ARID1B: variants seen among roughly 807,000 people sequenced by gnomAD.
ARID1B encodes the protein AT-rich interaction domain 1B.
In ARID1B, 30 loss-of-function variants were observed where a neutral mutation model predicts 212.3. The observed-to-expected ratio is 0.14, with a 90% CI of 0.11 to 0.19. The LOEUF is 0.19. Among genes scored for constraint, ARID1B ranks in the 10% least tolerant of loss-of-function variants. The pLI is 1.00. For synonymous variants in ARID1B, 1,402 were observed against 1,301.7 expected, an observed-to-expected ratio of 1.08 and a Z score of -1.66; for missense variants, 2,891 against 3,204.0, an observed-to-expected ratio of 0.90 and a Z score of 2.36.
chr6:157,122,961 C>T (rs1187340340), intron 6 of ARID1B, among the ~76,000 whole-genome samples: 1 of 152,182 alleles, frequency 6.6e-6, no homozygotes, highest in African/African-American at 2.4e-5. Flanking sequence ...GGATTACAGG[C>T]ATGAGCCACC....
intron 4 of ARID1B, among the ~76,000 whole-genome samples, chr6:157,077,500 G>A (rs1191656852): frequency 6.6e-6 from 1 of 152,064 alleles, no homozygotes; most frequent in Non-Finnish European, 1.5e-5. Flanking sequence ...AAATGAGCAT[G>A]CCCTCCCCTC....
chr6:156,837,366 A>G (rs866705475), intron 2 of ARID1B, among the ~76,000 whole-genome samples: 6 of 152,240 alleles, frequency 3.9e-5, no homozygotes, highest in Non-Finnish European at 5.9e-5. Context: ...AAACAAGTAT[A>G]TATTGAACAA....
In ARID1B at chr6:157,047,362, C is replaced by T. The variant is rs114628656; in HGVS notation, c.2248-37300C>T. 8.4e-3 allele frequency among the ~76,000 whole-genome samples: 1,283 copies of T among 152,228 alleles called. 23 individuals are homozygous for T. Among genetic ancestry groups the T allele is most frequent in the African/African-American group, 0.03 (1,238 of 41,536 alleles). On this transcript the variant is annotated intron_variant, in intron 4 of 19. Coordinates refer to ENST00000636930, the MANE Select transcript of ARID1B (RefSeq NM_001374828.1). ...TATGTTTTGGCATTATATGCAAAAT[C>T]AGAAGTAGTATATTATAATCAGAGG...
chr6:156,852,048 C>G (rs1038746922), intron 2 of ARID1B, among the ~76,000 whole-genome samples: 1 of 151,994 alleles, frequency 6.6e-6, no homozygotes, highest in African/African-American at 2.4e-5. Flanking sequence ...TATTCTTTAC[C>G]TCTCGCAAGA....
chr6:156,935,702 T>G, intron 4 of ARID1B, 126 bp downstream of exon 4: 1 of 856,054 alleles, frequency 1.2e-6, no homozygotes, highest in Non-Finnish European at 1.8e-6. Context: ...CAGGTTTATT[T>G]TGTGGTCAAT....
At chr6:156,856,672 C>CCTCTCT (rs367924636) in intron 2 of ARID1B, among the ~76,000 whole-genome samples, 1,141 of 108,346 alleles carry the variant, frequency 0.011, 22 homozygotes, top group African/African-American at 0.027. Context: ...GCATGCATAT[C>CCTCTCT]CTCTCTCTCT....
At chr6:156,984,541 A>T (rs988081959) in intron 4 of ARID1B, among the ~76,000 whole-genome samples, 5 of 152,170 alleles carry the variant, frequency 3.3e-5, no homozygotes, top group Admixed American at 2.6e-4. Context: ...ACTAGAAAGC[A>T]AAAGTAAAGT....
At chr6:156,780,423 T>A (rs748400578) in intron 1 of ARID1B, 14 of 152,380 alleles carry the variant, frequency 9.2e-5, no homozygotes, top group Non-Finnish European at 1.9e-4. Context: ...TCTTGCTGTT[T>A]CTTGCTAGTA....
Position 157,039,322 on chromosome 6 carries a change from C to CTTT in ARID1B, c.2248-45323_2248-45321dup, listed in dbSNP as rs1003131791. On this transcript the variant is annotated intron_variant, in intron 4 of 19. Transcript: ENST00000636930. ...ATTAAAAATGGGAAATTTGACATTT[C>CTTT]TTTTTTTTTTTTTTTTTTTGAGACG... Among the ~76,000 whole-genome samples the CTTT allele has an allele frequency of 2.6e-4, 27 of 102,952 alleles. 4 individuals are homozygous for CTTT. Among genetic ancestry groups the CTTT allele is most frequent in the South Asian group, 8.2e-4 (3 of 3,662 alleles). The allele number at this position is 102,952 out of a possible 152,430, so 67.5% of individuals were successfully genotyped here. A position where few individuals can be genotyped will look rare whatever the true frequency, so the allele number is the denominator to read the frequency against.
Position 157,133,067 on chromosome 6 carries a change from A to G in ARID1B, c.2621A>G (p.Gln874Arg), listed in dbSNP as rs752341983. The change falls in exon 7 of 20, where the codon CAG (glutamine) becomes CGG (arginine). Residue 874 changes from glutamine to arginine, a missense_variant. This residue lies in a region of ARID1B where 1,643 missense variants were observed against 1,544.0 expected (regional missense o/e 1.06). Coordinates refer to ENST00000636930, the MANE Select transcript of ARID1B (RefSeq NM_001374828.1). ...AGTQRNPQMA[Q>R]YGPQQTGPSM... is the part of the protein sequence containing the mutation. Reference sequence around the variant, plus strand: ...ACACAAAGAAACCCTCAGATGGCTCAGTATGGACCTCAACAGACAGGACCA... The same window carrying G: ...ACACAAAGAAACCCTCAGATGGCTCGGTATGGACCTCAACAGACAGGACCA... The G allele has an allele frequency of 6.2e-7, 1 of 1,611,586 alleles. No homozygotes were observed. The highest frequency in any genetic ancestry group is 1.7e-5 in the Admixed American group (1 of 59,218).
chr6:156,879,236 T>C (rs1198308986), intron 2 of ARID1B, among the ~76,000 whole-genome samples: 1 of 152,254 alleles, frequency 6.6e-6, no homozygotes, highest in African/African-American at 2.4e-5. Flanking sequence ...TGTATTCTTG[T>C]TCTGTCTACT....
At chr6:156,919,804 C>CT (rs1467359591) in intron 3 of ARID1B, among the ~76,000 whole-genome samples, 1 of 152,212 alleles carries the variant, frequency 6.6e-6, no homozygotes. Flanking sequence ...GCACTCCAGC[C>CT]TGGGTCACAG....
intron 10 of ARID1B, 107 bp from the exon 11 acceptor site, chr6:157,174,740 A>T (rs995810746): frequency 6.1e-5 from 18 of 297,244 alleles, no homozygotes; most frequent in Admixed American, 1.6e-4. Flanking sequence ...ATATATATAT[A>T]ATATATATAA....
chr6:157,097,859 G>C (rs1785763373), intron 5 of ARID1B, among the ~76,000 whole-genome samples: 1 of 152,168 alleles, frequency 6.6e-6, no homozygotes. Context: ...CCATGCTGCT[G>C]CAACTGTGGT....
At chr6:156,920,890 C>T (rs1017452325) in intron 3 of ARID1B, among the ~76,000 whole-genome samples, 11 of 151,096 alleles carry the variant, frequency 7.3e-5, no homozygotes, top group South Asian at 4.2e-4. Context: ...GTTTCACTCT[C>T]GTTGCCCAGG....
rs549047636 is a variant in ARID1B, at chr6:157,196,359, C to G, written c.4382+44C>G. On this transcript the variant is annotated intron_variant, in intron 16 of 19. Coordinates refer to ENST00000636930, the MANE Select transcript of ARID1B (RefSeq NM_001374828.1). Reference sequence around the variant, plus strand: ...GACAATATGATGATTTACTAGAAACCGTGCTTTCCTCACACACACATTTCT... The same window carrying G: ...GACAATATGATGATTTACTAGAAACGGTGCTTTCCTCACACACACATTTCT... The G allele has an allele frequency of 1.0e-5, 16 of 1,570,200 alleles. No individual in the cohort carries two copies. In the Admixed American group the frequency reaches 2.5e-4, roughly 24 times the overall value.
At chr6:157,103,904 C>T (rs968507549) in intron 5 of ARID1B, among the ~76,000 whole-genome samples, 12 of 143,340 alleles carry the variant, frequency 8.4e-5, no homozygotes, top group Admixed American at 1.5e-4. Context: ...AATGTGATCT[C>T]GGCTCACTGC....
At chr6:157,074,837 T>C (rs1257027274) in intron 4 of ARID1B, among the ~76,000 whole-genome samples, 2 of 152,126 alleles carry the variant, frequency 1.3e-5, no homozygotes, top group Non-Finnish European at 2.9e-5. Context: ...TTTATAAAGG[T>C]GAGGTATAGT....
intron 4 of ARID1B, chr6:156,938,035 A>G (rs2128280698): frequency 6.6e-6 from 1 of 152,310 alleles, no homozygotes; most frequent in East Asian, 1.9e-4. Flanking sequence ...ATAAAGGACA[A>G]ACTGTAAGAT....
Sources: allele counts gnomAD v4.1 joint callset (sites outside exome capture counted in the v4.1 genomes callset), GRCh38; gene constraint gnomAD v4.1.1; regional missense constraint gnomAD v4.1.1; transcripts MANE v1.5; gene names NCBI Gene and HGNC (gene_info 2026-07-23, HGNC 2026-07-21).